Variants in FETUB observed in about 807,000 individuals in gnomAD.
FETUB encodes fetuin B.
Under a neutral mutation model 30.9 loss-of-function variants are expected in FETUB, and 28 were observed. That is an observed-to-expected ratio of 0.90 (90% CI 0.67 to 1.24). FETUB has a LOEUF of 1.24. Ranked by LOEUF, FETUB falls within the 50% of genes most tolerant of loss-of-function variation. The pLI is 0.00. For synonymous variants in FETUB, 186 were observed against 175.9 expected, an observed-to-expected ratio of 1.06 and a Z score of -0.45; for missense variants, 469 against 455.3, an observed-to-expected ratio of 1.03 and a Z score of -0.27.
intron 6 of FETUB, among the ~76,000 whole-genome samples, 173 bp from the exon 7 acceptor site, chr3:186,652,090 C>T (rs1160040705): frequency 6.6e-6 from 1 of 152,122 alleles, no homozygotes; most frequent in Non-Finnish European, 1.5e-5. Context: ...GGTCCTGGTT[C>T]CCCCTGGCCC....
At chr3:186,648,258 T>G (rs564948515) in intron 5 of FETUB, among the ~76,000 whole-genome samples, 2 of 152,318 alleles carry the variant, frequency 1.3e-5, no homozygotes, top group African/African-American at 2.4e-5. Context: ...CTTTCCCCCA[T>G]GTAGTTGCCT....
chr3:186,651,563 A>T (rs1227264062), intron 6 of FETUB: 2 of 441,762 alleles, frequency 4.5e-6, no homozygotes, highest in Admixed American at 3.9e-5. Context: ...AGCCTCTGAG[A>T]CATTAAATTC....
intron 6 of FETUB, chr3:186,651,521 A>C: frequency 1.9e-6 from 1 of 529,892 alleles, no homozygotes; most frequent in East Asian, 3.2e-5. Context: ...ACAAATTCAG[A>C]AACAGGGAAC....
At chr3:186,648,198 T>C (rs917705411) in intron 5 of FETUB, among the ~76,000 whole-genome samples, 3 of 152,214 alleles carry the variant, frequency 2.0e-5, no homozygotes, top group Non-Finnish European at 4.4e-5. Context: ...CTTCATTCTT[T>C]TGCATGTGAA....
At chr3:186,651,096 C>T in intron 5 of FETUB, 122 bp from the exon 6 acceptor site, 1 of 676,318 alleles carries the variant, frequency 1.5e-6, no homozygotes, top group East Asian at 2.7e-5. Flanking sequence ...TCAGAGTCTA[C>T]CTGTTACATA....
intron 3 of FETUB, among the ~76,000 whole-genome samples, chr3:186,643,072 A>G (rs1717200737): frequency 6.6e-6 from 1 of 152,190 alleles, no homozygotes; most frequent in Non-Finnish European, 1.5e-5. Flanking sequence ...TCTCTATTCT[A>G]GAAAGGAATG....
intron 5 of FETUB, among the ~76,000 whole-genome samples, chr3:186,649,126 T>G (rs1717784089): frequency 6.6e-6 from 1 of 152,212 alleles, no homozygotes; most frequent in Non-Finnish European, 1.5e-5. Context: ...ATCTCCTTGG[T>G]GCAAGTACCT....
chr3:186,639,575 G>A (rs1019513645), upstream of FETUB, among the ~76,000 whole-genome samples: 3 of 145,400 alleles, frequency 2.1e-5, no homozygotes, highest in Non-Finnish European at 4.5e-5. Flanking sequence ...TGTGTTTTTT[G>A]TTGAAATACA....
rs1215323898 is a variant in FETUB, at chr3:186,646,247, G to C, written c.595-1G>C. 5.0e-6 allele frequency: 8 copies of C among 1,608,738 alleles called. No homozygotes were observed. The highest frequency in any genetic ancestry group is 6.8e-6 in the Non-Finnish European group (8 of 1,175,378). ...ATGTCTCAACTCTTGTCTCATAACA[G>C]TGGGTGGTCGGCCCTTCTTACTTTG... On this transcript the variant is annotated splice_acceptor_variant, in intron 4 of 6. Transcript: ENST00000265029. LOFTEE classifies it high-confidence loss of function.
intron 6 of FETUB, 27 bp from the exon 7 acceptor site, chr3:186,652,236 C>G: frequency 2.6e-6 from 4 of 1,530,058 alleles, no homozygotes; most frequent in Non-Finnish European, 3.5e-6. Flanking sequence ...CTGTGGAACT[C>G]TACATTCAAA....
chr3:186,649,272 T>TG (rs992785902), intron 5 of FETUB, among the ~76,000 whole-genome samples: 40 of 106,984 alleles, frequency 3.7e-4, no homozygotes, highest in Middle Eastern at 4.1e-3. Context: ...ATTTCTAGTC[T>TG]TTTTTTCATA....
At chr3:186,644,195 C>T (rs889595563) in intron 3 of FETUB, among the ~76,000 whole-genome samples, 6 of 152,110 alleles carry the variant, frequency 3.9e-5, no homozygotes, top group Non-Finnish European at 5.9e-5. Flanking sequence ...CTACAGTGGT[C>T]CAGAACACTA....
chr3:186,640,621 A>G lies in FETUB; in HGVS notation c.161A>G (p.Lys54Arg), dbSNP rs769051713. 3 of 1,614,024 alleles carry G rather than the reference A, an allele frequency of 1.9e-6. No homozygotes were observed. The highest frequency in any genetic ancestry group is 1.7e-5 in the Admixed American group (1 of 60,010). The change falls in exon 1 of 7, where the codon AAA (lysine) becomes AGA (arginine). Residue 54 changes from lysine to arginine, a missense_variant. Physicochemically the swap from Lys to Arg is conservative, Grantham distance 26. Coordinates refer to ENST00000265029, the MANE Select transcript of FETUB (RefSeq NM_014375.3). ...VAGFALRDIN[K>R]DRKDGYVLRL... ...GGCTTTGCCCTGCGGGATATTAACA[A>G]AGACAGAAAGGATGGCTATGTGCTG... is the stretch of plus-strand genomic sequence containing the variant.
At chr3:186,636,026 CA>C (rs1716761880), upstream of FETUB, 1 of 152,244 alleles carries the variant, frequency 6.6e-6, no homozygotes, top group African/African-American at 2.4e-5. Context: ...GTCTCCAGTA[CA>C]AATTAACAAA....
chr3:186,651,632 T>G, intron 6 of FETUB: 1 of 316,806 alleles, frequency 3.2e-6, no homozygotes, highest in African/African-American at 2.1e-5. Flanking sequence ...ATGAAAATAT[T>G]CAATCCCTTT....
rs775043391 is a variant in FETUB, at chr3:186,644,835, C to T, written c.509C>T (p.Ala170Val). Residue 170 changes from alanine to valine, a missense_variant, in exon 4 of 7, where the codon GCT (alanine) becomes GTT (valine). Transcript: ENST00000265029. The part of the protein sequence containing the change: ...TDSSNHQVLE[A>V]ATESLAKYNN... ...TCTTCCAATCACCAAGTGCTGGAGG[C>T]TGCCACCGAGTCTCTTGCGAAATAC... 21 of 1,613,750 alleles carry T rather than the reference C, an allele frequency of 1.3e-5. No homozygotes were observed. In the East Asian group the frequency reaches 4.5e-4, roughly 34 times the overall value.
chr3:186,647,366 A>G (rs1013345720), intron 5 of FETUB, among the ~76,000 whole-genome samples: 5 of 152,154 alleles, frequency 3.3e-5, no homozygotes, highest in Admixed American at 3.3e-4. Flanking sequence ...TTTTTGTCAT[A>G]TGAAAAACAA....
chr3:186,644,826 T>G lies in FETUB; in HGVS notation c.500T>G (p.Val167Gly), dbSNP rs1717361174. The G allele has an allele frequency of 6.2e-7, 1 of 1,613,506 alleles. No individual in the cohort carries two copies. Among genetic ancestry groups the G allele is most frequent in the African/African-American group, 1.3e-5 (1 of 74,828 alleles). Residue 167 changes from valine (V) to glycine (G), a missense_variant, in exon 4 of 7, where the codon GTG becomes GGG. Val to Gly is a moderately radical substitution (Grantham distance 109). Coordinates refer to ENST00000265029, the MANE Select transcript of FETUB (RefSeq NM_014375.3). ...CCCACTGACTCTTCCAATCACCAAG[T>G]GCTGGAGGCTGCCACCGAGTCTCTT... Reference protein sequence around the residue: ...SIPTDSSNHQVLEAATESLAK... With the variant: ...SIPTDSSNHQGLEAATESLAK...
In FETUB at chr3:186,644,811, C is replaced by T; in HGVS notation, c.485C>T (p.Ser162Phe). The T allele has an allele frequency of 6.2e-7, 1 of 1,613,976 alleles. No homozygotes were observed. Among genetic ancestry groups the T allele is most frequent in the Non-Finnish European group, 8.5e-7 (1 of 1,179,964 alleles). ...TGCCCAAGCTCCATACCCACTGACT[C>T]TTCCAATCACCAAGTGCTGGAGGCT... ...PDCPSSIPTDSSNHQVLEAAT... is the reference protein window; with the variant it reads ...PDCPSSIPTDFSNHQVLEAAT... The change falls in exon 4 of 7, where the codon TCT (serine) becomes TTT (phenylalanine). Residue 162 changes from serine to phenylalanine, a missense_variant. By Grantham distance (155) the Ser-to-Phe change is radical. Transcript: ENST00000265029.
Sources: gnomAD v4.1 joint callset for allele counts (sites outside exome capture counted in the v4.1 genomes callset) on GRCh38, gnomAD v4.1.1 for gene constraint, MANE v1.5 for transcripts, NCBI Gene and HGNC (gene_info 2026-07-23, HGNC 2026-07-21) for gene names.